Variants in ELAC1 observed in about 807,000 individuals in gnomAD.
ELAC1 encodes the protein elaC ribonuclease Z 1.
Under a neutral mutation model 25.8 loss-of-function variants are expected in ELAC1, and 19 were observed. The ratio of observed to expected loss-of-function variants is 0.74; its 90% CI spans 0.51 to 1.08. ELAC1 has a LOEUF of 1.08. ELAC1 is among the 50% of genes least tolerant of loss of function. ELAC1 has a pLI of 0.00. For synonymous variants in ELAC1, 148 were observed against 160.9 expected (o/e 0.92, Z 0.61); for missense variants, 403 against 434.6 (o/e 0.93, Z 0.65).
intron 1 of ELAC1, among the ~76,000 whole-genome samples, chr18:50,972,600 G>A (rs1907697073): frequency 6.6e-6 from 1 of 152,126 alleles, no homozygotes; most frequent in Non-Finnish European, 1.5e-5. Flanking sequence ...TGCTGCCTCA[G>A]CCTCCTGAAG....
intron 2 of ELAC1, among the ~76,000 whole-genome samples, chr18:50,980,600 T>C (rs2144317850): frequency 6.6e-6 from 1 of 151,476 alleles, no homozygotes; most frequent in Admixed American, 6.6e-5. Context: ...CCATCTCTAC[T>C]GAAAATACAA....
chr18:50,984,611 G>C (rs1487726668), intron 3 of ELAC1, 48 bp downstream of exon 3: 1 of 1,337,508 alleles, frequency 7.5e-7, no homozygotes, highest in Non-Finnish European at 1.1e-6. Context: ...TCATCAATAG[G>C]GCTCCTGTTG....
chr18:50,986,338 A>G (rs1908107906), intron 3 of ELAC1, among the ~76,000 whole-genome samples: 1 of 152,256 alleles, frequency 6.6e-6, no homozygotes, highest in Non-Finnish European at 1.5e-5. Context: ...CAGAGAATCA[A>G]GAATGTTACA....
intron 1 of ELAC1, chr18:50,969,125 AT>A (rs1217954639): frequency 6.6e-6 from 1 of 152,208 alleles, no homozygotes; most frequent in Non-Finnish European, 1.5e-5. Flanking sequence ...TCCAGTCAGC[AT>A]TTACATTTTC....
At chr18:50,979,913 T>C (rs2144316863) in intron 2 of ELAC1, among the ~76,000 whole-genome samples, 1 of 152,154 alleles carries the variant, frequency 6.6e-6, no homozygotes, top group Non-Finnish European at 1.5e-5. Flanking sequence ...GTATTTTTAA[T>C]AGAGATGGGG....
In ELAC1 at chr18:50,986,703, A is replaced by T; in HGVS notation, c.710A>T (p.Asp237Val). The T allele has an allele frequency of 1.2e-6, 2 of 1,614,200 alleles. No homozygotes were observed. Among genetic ancestry groups the T allele is most frequent in the South Asian group, 1.1e-5 (1 of 91,086 alleles). The change falls in exon 4 of 4, where the codon GAT becomes GTT. Residue 237 changes from aspartate (D) to valine (V), a missense_variant. Physicochemically the swap from Asp to Val is radical, Grantham distance 152. Transcript: ENST00000269466. ...AATGGGGTTACAATTTCTCCCCAAG[A>T]TGTCTTAAAAAAGCCTATTGTTGGA... ...LENGVTISPQ[D>V]VLKKPIVGRK...
intron 2 of ELAC1, among the ~76,000 whole-genome samples, chr18:50,977,048 A>G (rs1907811859): frequency 6.6e-6 from 1 of 152,252 alleles, no homozygotes; most frequent in South Asian, 2.1e-4. Flanking sequence ...TGTCTTGGGC[A>G]GCTCTACTCC....
chr18:50,972,047 A>G (rs1239476732), intron 1 of ELAC1, among the ~76,000 whole-genome samples: 3 of 131,636 alleles, frequency 2.3e-5, no homozygotes, highest in Non-Finnish European at 4.9e-5. Context: ...AGGGGGTCCA[A>G]ACTTTTTTTT....
chr18:50,974,359 T>A (rs1364030591), intron 1 of ELAC1, 38 bp from the exon 2 acceptor site: 1 of 1,489,948 alleles, frequency 6.7e-7, no homozygotes, highest in Non-Finnish European at 8.9e-7. Context: ...TTTGGTACAG[T>A]GATATGAAAT....
At chr18:50,983,022 C>T (rs951524430) in intron 2 of ELAC1, among the ~76,000 whole-genome samples, 1 of 152,000 alleles carries the variant, frequency 6.6e-6, no homozygotes, top group African/African-American at 2.4e-5. Context: ...TTTTGTTTTC[C>T]TGGAATATAT....
intron 1 of ELAC1, 122 bp from the exon 2 acceptor site, chr18:50,974,275 T>G: frequency 2.3e-4 from 189 of 808,654 alleles, no homozygotes; most frequent in Non-Finnish European, 3.0e-4. Context: ...TGGAATACTA[T>G]GAGAGACCAA....
chr18:50,970,958 A>G (rs1365920949), intron 1 of ELAC1, among the ~76,000 whole-genome samples: 1 of 152,168 alleles, frequency 6.6e-6, no homozygotes, highest in Non-Finnish European at 1.5e-5. Context: ...GCCATCTGTA[A>G]CTTTTCTCCT....
intron 2 of ELAC1, among the ~76,000 whole-genome samples, chr18:50,982,194 G>A (rs1355159949): frequency 6.6e-6 from 1 of 152,126 alleles, no homozygotes; most frequent in Non-Finnish European, 1.5e-5. Flanking sequence ...CACACATGGA[G>A]GTGGCTTGGC....
At chr18:50,985,815 C>T (rs1419112648) in intron 3 of ELAC1, among the ~76,000 whole-genome samples, 1 of 152,042 alleles carries the variant, frequency 6.6e-6, no homozygotes, top group African/African-American at 2.4e-5. Flanking sequence ...TAGTGATGAT[C>T]AGGTCTTACT....
At chr18:50,970,807 G>A (rs1907630998) in intron 1 of ELAC1, among the ~76,000 whole-genome samples, 1 of 149,792 alleles carries the variant, frequency 6.7e-6, no homozygotes. Flanking sequence ...CCCCCGCACA[G>A]CCCCCACCCC....
chr18:50,984,404 A>G lies in ELAC1; in HGVS notation c.466A>G (p.Ile156Val). ...TCCCAAAGAGGAACAAGGAAGAACT[A>G]TCCTGTTAGACTCAGAAGAAAACTC... ...SPPKEEQGRT[I>V]LLDSEENSYL... is the part of the protein sequence containing the mutation. Residue 156 changes from isoleucine to valine, a missense_variant, in exon 3 of 4, where the codon ATC (isoleucine) becomes GTC (valine). Ile to Val is a conservative substitution (Grantham distance 29). Coordinates refer to ENST00000269466, the MANE Select transcript of ELAC1 (RefSeq NM_018696.3). 1.2e-6 allele frequency: 2 copies of G among 1,614,210 alleles called. No homozygotes were observed. Among genetic ancestry groups the G allele is most frequent in the Admixed American group, 1.7e-5 (1 of 60,028 alleles).
At chr18:50,973,713 T>A (rs144316343) in intron 1 of ELAC1, among the ~76,000 whole-genome samples, 2,656 of 152,190 alleles carry the variant, frequency 0.017, 27 homozygotes, top group African/African-American at 0.035. Context: ...GGATTTTTTT[T>A]AAAAAAATTA....
rs115562088 is a variant in ELAC1, at chr18:50,976,256, A to G, written c.157+1695A>G. Among the ~76,000 whole-genome samples the G allele has an allele frequency of 1.9e-3, 291 of 152,318 alleles. 1 individual carries two copies. The highest frequency in any genetic ancestry group is 6.5e-3 in the African/African-American group (272 of 41,574). The stretch of plus-strand genomic sequence containing the variant: ...GAGAGAGAATAGCATCAGGGAGACC[A>G]GTTCCAAGGCAATTGCAGTTCACTT... On this transcript the variant is annotated intron_variant, in intron 2 of 3. Transcript: ENST00000269466.
intron 2 of ELAC1, among the ~76,000 whole-genome samples, chr18:50,981,996 GC>G (rs1192845970): frequency 6.6e-6 from 1 of 152,010 alleles, no homozygotes; most frequent in Non-Finnish European, 1.5e-5. Flanking sequence ...ACAGGCATGT[GC>G]CATCACACCC....
Sources: allele counts gnomAD v4.1 joint callset (sites outside exome capture counted in the v4.1 genomes callset), GRCh38; gene constraint gnomAD v4.1.1; transcripts MANE v1.5; gene names NCBI Gene and HGNC (gene_info 2026-07-23, HGNC 2026-07-21).